The following HOPX variants were observed in gnomAD, a reference collection of about 807,000 sequenced individuals.
HOPX encodes the protein HOP homeobox.
Under a neutral mutation model 11.8 loss-of-function variants are expected in HOPX, and 5 were observed. The ratio of observed to expected loss-of-function variants is 0.43; its 90% CI spans 0.22 to 0.89. The LOEUF is 0.89. Ranked by LOEUF, HOPX falls within the 40% of genes least tolerant of loss-of-function variation. The probability of loss-of-function intolerance (pLI) is 0.28; values close to 1 mark genes in which losing one functional copy is unlikely to be tolerated. For missense variants in HOPX, 119 were observed against 120.0 expected, an observed-to-expected ratio of 0.99 and a Z score of 0.04; for synonymous variants, 49 against 49.7, an observed-to-expected ratio of 0.99 and a Z score of 0.06.
In HOPX at chr4:56,670,922, G is replaced by A. The variant is rs185678999; in HGVS notation, c.-84+10333C>T. 2.5e-3 allele frequency among the ~76,000 whole-genome samples: 385 copies of A among 151,926 alleles called. 2 individuals are homozygous for A. Among genetic ancestry groups the A allele is most frequent in the Middle Eastern group, 0.01 (3 of 294 alleles). ...TGAGGTAGGAGAATCGCTTGAACCCGGGAGGCGGAGGTTGCAATGAGCCGA... is the reference window on the plus strand; with the variant it reads ...TGAGGTAGGAGAATCGCTTGAACCCAGGAGGCGGAGGTTGCAATGAGCCGA... On this transcript the variant is annotated intron_variant, in intron 1 of 3. Transcript: ENST00000420433.
intron 1 of HOPX, among the ~76,000 whole-genome samples, chr4:56,674,910 GCTAA>G (rs1267953391): frequency 1.0e-5 from 1 of 95,462 alleles, no homozygotes; most frequent in Admixed American, 1.1e-4. Context: ...ACTATGTCTG[GCTAA>G]CTAAAAAAAA....
At chr4:56,652,815 C>CTTTT (rs200995100) in intron 3 of HOPX, among the ~76,000 whole-genome samples, 21,992 of 151,770 alleles carry the variant, frequency 0.14, 2,377 homozygotes, top group African/African-American at 0.29. Flanking sequence ...GTGAGACACT[C>CTTTT]TCTCCAAAAG....
At chr4:56,659,417 T>C (rs1717970841) in intron 1 of HOPX, 1 of 152,202 alleles carries the variant, frequency 6.6e-6, no homozygotes, top group South Asian at 2.1e-4. Flanking sequence ...GTCTTCCCCT[T>C]CGTCACTTAT....
intron 1 of HOPX, among the ~76,000 whole-genome samples, chr4:56,667,757 C>A (rs907879070): frequency 6.6e-5 from 10 of 152,196 alleles, no homozygotes; most frequent in African/African-American, 2.4e-4. Flanking sequence ...AGCATCCTAA[C>A]AGACCTGCAT....
chr4:56,657,323 G>A (rs1207742478), intron 2 of HOPX, among the ~76,000 whole-genome samples: 1 of 152,158 alleles, frequency 6.6e-6, no homozygotes, highest in African/African-American at 2.4e-5. Flanking sequence ...AATCACGTTG[G>A]TTTGTTGTTT....
At chr4:56,657,386 G>A (rs1409943618) in intron 2 of HOPX, among the ~76,000 whole-genome samples, 1 of 152,138 alleles carries the variant, frequency 6.6e-6, no homozygotes, top group Non-Finnish European at 1.5e-5. Flanking sequence ...TTGTGATGTG[G>A]TTTGTGCCTG....
At chr4:56,657,498 T>C (rs1321885356) in intron 2 of HOPX, among the ~76,000 whole-genome samples, 1 of 152,200 alleles carries the variant, frequency 6.6e-6, no homozygotes, top group Non-Finnish European at 1.5e-5. Flanking sequence ...TAAGTGTCTT[T>C]ACCTCTCCTT....
intron 1 of HOPX, chr4:56,659,545 G>GGAGAGAGA (rs375400105): frequency 1.2e-4 from 18 of 149,736 alleles, no homozygotes; most frequent in African/African-American, 4.4e-4. Context: ...AGAGCTGGAA[G>GGAGAGAGA]GAGAGAGAGA....
At position 56,655,569 on chromosome 4, in the gene HOPX, G is replaced by A. The variant is rs1717612580; in HGVS notation, c.198+288C>T. ...AGAAAGCGTGTATCCCGGGCTGCCG[G>A]GGAGAGTGGAAAAGAAAGGACTGGT... is the stretch of plus-strand genomic sequence containing the variant. On this transcript the variant is annotated intron_variant, in intron 3 of 3. Transcript: ENST00000420433. Among the ~76,000 whole-genome samples the A allele has an allele frequency of 2.1e-5, 3 of 144,298 alleles. No homozygotes were observed. In the South Asian group the frequency reaches 6.4e-4, roughly 31 times the overall value. 94.7% of individuals were successfully genotyped at this position (144,298 alleles called of 152,430 possible).
intron 1 of HOPX, among the ~76,000 whole-genome samples, chr4:56,670,847 A>C (rs1439564812): frequency 2.6e-5 from 4 of 152,172 alleles, no homozygotes; most frequent in Non-Finnish European, 4.4e-5. Context: ...AAATACAAAA[A>C]TTAGCCAGGC....
rs1578344956 is a variant in HOPX at position 56,662,206 on chromosome 4, T to G, written c.-83-4307A>C. 2.0e-5 allele frequency among the ~76,000 whole-genome samples: 3 copies of G among 152,362 alleles called. 1 individual carries two copies. In the South Asian group the frequency reaches 6.2e-4, roughly 32 times the overall value. On this transcript the variant is annotated intron_variant, in intron 1 of 3. Transcript: ENST00000420433. The stretch of plus-strand genomic sequence containing the variant: ...AATAGGATATCCATGTAAACTGAAA[T>G]AATGCGCTTACATGTTTAAACAGCT...
chr4:56,669,416 G>T (rs1217610479), intron 1 of HOPX, among the ~76,000 whole-genome samples: 3 of 151,506 alleles, frequency 2.0e-5, no homozygotes. Context: ...AATTACACCA[G>T]GGGAGGCCGA....
intron 1 of HOPX, among the ~76,000 whole-genome samples, chr4:56,676,756 C>T (rs1719036913): frequency 6.6e-6 from 1 of 151,608 alleles, no homozygotes; most frequent in South Asian, 2.1e-4. Context: ...ACAATGTGTC[C>T]TCTGGCTGCA....
In HOPX at chr4:56,650,531, T is replaced by A. The variant is rs1396651727; in HGVS notation, c.199-1734A>T. On this transcript the variant is annotated intron_variant, in intron 3 of 3. Transcript: ENST00000420433. ...AGGCCTAGAGGAGAGGCTGTTGAGC[T>A]TGAATGGGGGTAAGGCTCTGCAGGA... is the stretch of plus-strand genomic sequence containing the variant. 5 of 722,994 alleles carry A rather than the reference T, an allele frequency of 6.9e-6. No homozygotes were observed. The African/African-American group carries it at 9.0e-5, about 13-fold the overall frequency. The allele number at this position is 722,994 out of a possible 1,614,324, so 44.8% of individuals were successfully genotyped here. A position where few individuals can be genotyped will look rare whatever the true frequency, so the allele number is the denominator to read the frequency against.
At chr4:56,665,630 AC>A (rs959922263) in intron 1 of HOPX, 56 of 152,346 alleles carry the variant, frequency 3.7e-4, no homozygotes, top group African/African-American at 1.3e-3. Flanking sequence ...AACAATAGTG[AC>A]AACATATTTG....
chr4:56,657,156 A>C (rs1717804841), intron 2 of HOPX, among the ~76,000 whole-genome samples: 1 of 152,172 alleles, frequency 6.6e-6, no homozygotes, highest in Non-Finnish European at 1.5e-5. Context: ...AAAAATTTTA[A>C]AAATTGGCAG....
chr4:56,655,659 G>T (rs1717621449), intron 3 of HOPX, among the ~76,000 whole-genome samples, 198 bp downstream of exon 3: 1 of 152,206 alleles, frequency 6.6e-6, no homozygotes, highest in South Asian at 2.1e-4. Flanking sequence ...GGGAGACCGG[G>T]CGCCCATGGG....
At chr4:56,678,678 T>G (rs2109560039) in intron 1 of HOPX, 1 of 152,226 alleles carries the variant, frequency 6.6e-6, no homozygotes, top group Non-Finnish European at 1.5e-5. Flanking sequence ...ACTCCTGACC[T>G]TAGGTGATCC....
At position 56,648,218 on chromosome 4, in the gene HOPX, T is replaced by C. The variant is rs1429029589; in HGVS notation, c.*502A>G. 1.3e-5 allele frequency: 2 copies of C among 152,316 alleles called. No individual in the cohort carries two copies. The highest frequency in any genetic ancestry group is 4.8e-5 in the African/African-American group (2 of 41,440). The allele number at this position is 152,316 out of a possible 1,614,324, so 9.4% of individuals were successfully genotyped here. A position where few individuals can be genotyped will look rare whatever the true frequency, so the allele number is the denominator to read the frequency against. On this transcript the variant is annotated 3_prime_UTR_variant, in exon 4 of 4. Transcript: ENST00000420433. ...TTAATGCAGCTATATTCCAAGGAAGTGTTTTATGAAATCTGAATACTCAAA... is the reference window on the plus strand; with the variant it reads ...TTAATGCAGCTATATTCCAAGGAAGCGTTTTATGAAATCTGAATACTCAAA...
Sources: gnomAD v4.1 joint callset for allele counts (sites outside exome capture counted in the v4.1 genomes callset) on GRCh38, gnomAD v4.1.1 for gene constraint, MANE v1.5 for transcripts, NCBI Gene and HGNC (gene_info 2026-07-23, HGNC 2026-07-21) for gene names.